Variants in ADARB2 observed in about 807,000 individuals in gnomAD.
ADARB2 encodes the protein adenosine deaminase RNA specific B2 (inactive).
Under a neutral mutation model 62.2 loss-of-function variants are expected in ADARB2, and 25 were observed. The observed-to-expected ratio is 0.40, with a 90% confidence interval of 0.29 to 0.56. The LOEUF is 0.56. Among genes scored for constraint, ADARB2 ranks in the 20% least tolerant of loss-of-function variants. ADARB2 has a pLI of 0.43. For synonymous variants in ADARB2, 572 were observed against 500.8 expected (o/e 1.14, Z -1.90); for missense variants, 1,071 against 1,077.4 (o/e 0.99, Z 0.08).
rs1235229580 is a variant in ADARB2 at position 1,540,758 on chromosome 10, C to T, written c.101-161598G>A. ...CAGACGTAGTTCAGACCCTGGATCA[C>T]AGCCATCCAGACCCCACTCAGATGT... On this transcript the variant is annotated intron_variant, in intron 1 of 9. Transcript: ENST00000381312. Among the ~76,000 whole-genome samples, 2 of 59,602 alleles carry T rather than the reference C, an allele frequency of 3.4e-5. 1 individual carries two copies. The highest frequency in any genetic ancestry group is 8.2e-5 in the Non-Finnish European group (2 of 24,502). The allele number at this position is 59,602 out of a possible 152,430, so 39.1% of individuals were successfully genotyped here. A position where few individuals can be genotyped will look rare whatever the true frequency, so the allele number is the denominator to read the frequency against.
intron 1 of ADARB2, among the ~76,000 whole-genome samples, chr10:1,633,878 C>G (rs558460774): frequency 1.3e-5 from 2 of 152,242 alleles, no homozygotes; most frequent in South Asian, 2.1e-4. Context: ...GCCTGAAGCC[C>G]GAGGGAGTGT....
chr10:1,283,978 A>C (rs2131806511), intron 3 of ADARB2, among the ~76,000 whole-genome samples: 1 of 152,372 alleles, frequency 6.6e-6, no homozygotes, highest in Non-Finnish European at 1.5e-5. Flanking sequence ...AACAAAGAGT[A>C]GATCAGTCTG....
chr10:1,304,789 C>T lies in ADARB2; in HGVS notation c.1078-33720G>A, dbSNP rs907363295. Among the ~76,000 whole-genome samples, 345 of 147,888 alleles carry T rather than the reference C, an allele frequency of 2.3e-3. 1 individual carries two copies. The highest frequency in any genetic ancestry group is 7.5e-3 in the African/African-American group (304 of 40,378). On this transcript the variant is annotated intron_variant, in intron 3 of 9. Transcript: ENST00000381312. ...TCCTGAATGACTACTGGGTACATAA[C>T]GAAATGAAGGCAGAAATAAAGATGT...
intron 3 of ADARB2, among the ~76,000 whole-genome samples, chr10:1,317,159 C>T (rs1189113121): frequency 1.3e-5 from 2 of 152,152 alleles, no homozygotes; most frequent in African/African-American, 4.8e-5. Flanking sequence ...CACTTTTAGC[C>T]GATTTTTATG....
intron 1 of ADARB2, among the ~76,000 whole-genome samples, chr10:1,407,849 T>TG (rs1259577938): frequency 2.0e-5 from 3 of 152,116 alleles, no homozygotes; most frequent in African/African-American, 4.8e-5. Flanking sequence ...GACTGTTCTG[T>TG]GGGGGGAACT....
intron 1 of ADARB2, among the ~76,000 whole-genome samples, chr10:1,695,898 G>A (rs112334339): frequency 0.031 from 4,697 of 152,080 alleles, 246 homozygotes; most frequent in African/African-American, 0.11. Flanking sequence ...ATGCATGAGG[G>A]CACACACGTG....
rs1836735184 is a variant in ADARB2, at chr10:1,185,153, T to C, written c.1865-114A>G. 3 of 1,340,996 alleles carry C rather than the reference T, an allele frequency of 2.2e-6. No homozygotes were observed. In the African/African-American group the frequency reaches 4.4e-5, roughly 19 times the overall value. 83.1% of individuals were successfully genotyped at this position (1,340,996 alleles called of 1,614,324 possible). A position where few individuals can be genotyped will look rare whatever the true frequency, so the allele number is the denominator to read the frequency against. On this transcript the variant is annotated intron_variant, in intron 8 of 9. Transcript: ENST00000381312. ...TATGTGAGTGGGAATGGTCCTCCCT[T>C]TTCATCCTCAGGACTGGCCAGTTCA...
Position 1,412,222 on chromosome 10 carries a change from G to T in ADARB2, c.101-33062C>A, listed in dbSNP as rs538613617. On this transcript the variant is annotated intron_variant, in intron 1 of 9. Transcript: ENST00000381312. ...TGCATCCTGCGAGCCCGGAGACCTC[G>T]GGGCTGGTTAGAGGATGGCTCAGTT... 4.6e-5 allele frequency among the ~76,000 whole-genome samples: 7 copies of T among 152,266 alleles called. No individual in the cohort carries two copies. The South Asian group carries it at 1.5e-3, about 32-fold the overall frequency.
chr10:1,349,095 T>C (rs549695315), intron 3 of ADARB2, among the ~76,000 whole-genome samples: 1 of 152,294 alleles, frequency 6.6e-6, no homozygotes, highest in Admixed American at 6.5e-5. Context: ...AGTTTCTGCC[T>C]TAACTGATGA....
At chr10:1,524,296 C>T (rs1832112960) in intron 1 of ADARB2, among the ~76,000 whole-genome samples, 2 of 152,178 alleles carry the variant, frequency 1.3e-5, no homozygotes, top group African/African-American at 4.8e-5. Flanking sequence ...CCTATGGAAT[C>T]ACCACATATA....
At chr10:1,507,006 G>A (rs1831860854) in intron 1 of ADARB2, among the ~76,000 whole-genome samples, 1 of 152,236 alleles carries the variant, frequency 6.6e-6, no homozygotes, top group African/African-American at 2.4e-5. Flanking sequence ...CCTGGACAGT[G>A]GGCTCCCAGC....
intron 3 of ADARB2, among the ~76,000 whole-genome samples, chr10:1,296,099 C>T (rs1249295064): frequency 1.6e-4 from 25 of 152,238 alleles, no homozygotes; most frequent in Admixed American, 1.6e-3. Context: ...TGTCATGGTG[C>T]TGGCAGATGT....
At chr10:1,621,329 C>A (rs957114190) in intron 1 of ADARB2, among the ~76,000 whole-genome samples, 1 of 151,992 alleles carries the variant, frequency 6.6e-6, no homozygotes, top group Non-Finnish European at 1.5e-5. Context: ...TACTAACAAT[C>A]TGAAAAGAAA....
Position 1,504,971 on chromosome 10 carries a change from A to G in ADARB2, c.101-125811T>C, listed in dbSNP as rs914082368. Among the ~76,000 whole-genome samples, 10 of 152,020 alleles carry G rather than the reference A, an allele frequency of 6.6e-5. No individual in the cohort carries two copies. In the South Asian group the frequency reaches 2.1e-3, roughly 32 times the overall value. ...ACAGAGACACACATGACACACACAGACACACATACACATGCAATGCACACA... is the reference window on the plus strand; with the variant it reads ...ACAGAGACACACATGACACACACAGGCACACATACACATGCAATGCACACA... On this transcript the variant is annotated intron_variant, in intron 1 of 9. Transcript: ENST00000381312.
At chr10:1,541,971 T>C (rs1212516672) in intron 1 of ADARB2, among the ~76,000 whole-genome samples, 2 of 24,016 alleles carry the variant, frequency 8.3e-5, no homozygotes. Context: ...ATCACAGCCG[T>C]CCAGACTCCA....
chr10:1,717,374 G>T (rs1434050821), intron 1 of ADARB2, among the ~76,000 whole-genome samples: 1 of 151,588 alleles, frequency 6.6e-6, no homozygotes. Context: ...TGACAGAGCC[G>T]CAGGTCTGAA....
chr10:1,729,091 C>T (rs914287291), intron 1 of ADARB2, among the ~76,000 whole-genome samples: 4 of 152,178 alleles, frequency 2.6e-5, no homozygotes, highest in African/African-American at 4.8e-5. Context: ...TGTTAGAATT[C>T]TTTGAGAGCC....
chr10:1,533,766 C>T (rs1044711786), intron 1 of ADARB2, among the ~76,000 whole-genome samples: 3 of 152,172 alleles, frequency 2.0e-5, no homozygotes, highest in African/African-American at 7.2e-5. Flanking sequence ...CTCGGAGTAA[C>T]ATCAGCGTAT....
intron 1 of ADARB2, among the ~76,000 whole-genome samples, chr10:1,659,613 C>T (rs1011472792): frequency 6.6e-5 from 10 of 152,244 alleles, no homozygotes; most frequent in Non-Finnish European, 1.5e-4. Flanking sequence ...CTCTAAGATC[C>T]GGGCAATCCC....
Sources: gnomAD v4.1 joint callset for allele counts (sites outside exome capture counted in the v4.1 genomes callset) on GRCh38, gnomAD v4.1.1 for gene constraint, MANE v1.5 for transcripts, NCBI Gene and HGNC (gene_info 2026-07-23, HGNC 2026-07-21) for gene names.